Variants in ZMAT1 observed in about 807,000 individuals in gnomAD.
ZMAT1 encodes zinc finger matrin-type protein 1.
ZMAT1 carries 11 observed loss-of-function variants against 18.5 expected under a neutral mutation model. The ratio of observed to expected loss-of-function variants is 0.59; its 90% confidence interval spans 0.37 to 0.98. The LOEUF (loss-of-function observed/expected upper bound fraction) is 0.98. Among genes scored for constraint, ZMAT1 ranks in the 50% least tolerant of loss-of-function variants. The pLI is 0.01. For missense variants in ZMAT1, 525 were observed against 496.2 expected (o/e 1.06, Z -0.55); for synonymous variants, 211 against 176.4 (o/e 1.20, Z -1.55).
At chrX:101,922,683 T>A (rs140739348) in intron 1 of ZMAT1, among the ~76,000 whole-genome samples, 5 of 111,459 alleles carry the variant, frequency 4.5e-5, no homozygotes, top group African/African-American at 1.6e-4. Context: ...AAGGCTAATC[T>A]TAAAAAGAGA....
intron 2 of ZMAT1, among the ~76,000 whole-genome samples, chrX:101,902,406 T>A (rs1393169093): frequency 8.9e-6 from 1 of 112,297 alleles, no homozygotes; most frequent in African/African-American, 3.2e-5. Context: ...GTTTATGATT[T>A]AAAAATTTTT....
chrX:101,922,522 T>C (rs1199370659), intron 1 of ZMAT1, among the ~76,000 whole-genome samples: 1 of 109,956 alleles, frequency 9.1e-6, no homozygotes, highest in Non-Finnish European at 1.9e-5. Flanking sequence ...GCCTCCCAAG[T>C]AGCTGGACTA....
At chrX:101,899,125 T>C (rs1192679560) in intron 2 of ZMAT1, among the ~76,000 whole-genome samples, 2 of 111,231 alleles carry the variant, frequency 1.8e-5, no homozygotes, top group Non-Finnish European at 3.8e-5. Flanking sequence ...AATTCTTTTA[T>C]GTGAGAAAAG....
chrX:101,887,050 C>G, intron 4 of ZMAT1: 1 of 169,481 alleles, frequency 5.9e-6, no homozygotes, highest in Non-Finnish European at 1.0e-5. Flanking sequence ...CAACAGGCAC[C>G]TGAAATTTAG....
At chrX:101,903,449 A>G (rs768842581) in intron 2 of ZMAT1, among the ~76,000 whole-genome samples, 4 of 111,920 alleles carry the variant, frequency 3.6e-5, no homozygotes, top group African/African-American at 1.3e-4. Flanking sequence ...TATAATTACC[A>G]ATAAGATTAG....
chrX:101,922,285 G>A (rs1368958224), intron 1 of ZMAT1, among the ~76,000 whole-genome samples: 4 of 111,722 alleles, frequency 3.6e-5, no homozygotes, highest in Non-Finnish European at 7.5e-5. Flanking sequence ...CTAAGACTTG[G>A]AGAGGTTAAA....
rs184192742 is a variant in ZMAT1, at chrX:101,909,435, C to G, written c.293-5105G>C. On this transcript the variant is annotated intron_variant, in intron 1 of 5. Transcript: ENST00000651725. ...TGTCTTACCCCTTAGGTACCAACACCACCACAGTGGGGTAGGGCATCAAGC... is the reference window on the plus strand; with the variant it reads ...TGTCTTACCCCTTAGGTACCAACACGACCACAGTGGGGTAGGGCATCAAGC... Among the ~76,000 whole-genome samples the G allele has an allele frequency of 8.7e-3, 975 of 111,759 alleles. 5 individuals are homozygous for G. Among genetic ancestry groups the G allele is most frequent in the Middle Eastern group, 0.019 (4 of 215 alleles).
chrX:101,894,020 AAAG>A (rs971850251), intron 4 of ZMAT1, among the ~76,000 whole-genome samples: 1 of 111,159 alleles, frequency 9.0e-6, no homozygotes, highest in Admixed American at 9.6e-5. Flanking sequence ...GAAGGGTTTT[AAAG>A]AAGGGGAATG....
rs768692983 is a variant in ZMAT1, at chrX:101,908,654, G to T, written c.293-4324C>A. Among the ~76,000 whole-genome samples, 3 of 111,700 alleles carry T rather than the reference G, an allele frequency of 2.7e-5. No homozygotes were observed. The East Asian group carries it at 8.5e-4, about 32-fold the overall frequency. ...AACTCGGTGCTATCCTGTTAGAGCA[G>T]AAAGGAAAAGCAGACCAAACTCAGC... On this transcript the variant is annotated intron_variant, in intron 1 of 5. Coordinates refer to ENST00000651725, the MANE Select transcript of ZMAT1 (RefSeq NM_001394560.1).
intron 1 of ZMAT1, among the ~76,000 whole-genome samples, chrX:101,905,888 T>TAAA (rs747049552): frequency 4.2e-5 from 2 of 47,964 alleles, no homozygotes; most frequent in South Asian, 1.7e-3. Context: ...GCCAAAAAAC[T>TAAA]AAAAAAAAAA....
intron 2 of ZMAT1, among the ~76,000 whole-genome samples, chrX:101,899,715 T>A (rs1209543941): frequency 8.9e-6 from 1 of 112,499 alleles, no homozygotes; most frequent in Non-Finnish European, 1.9e-5. Flanking sequence ...TGATGGGCAT[T>A]TGCGTTGGTT....
At chrX:101,914,038 A>T (rs763044526) in intron 1 of ZMAT1, among the ~76,000 whole-genome samples, 1 of 111,778 alleles carries the variant, frequency 8.9e-6, no homozygotes, top group Non-Finnish European at 1.9e-5. Context: ...TAATAATAGG[A>T]ATTTTGAAAA....
Position 101,904,037 on chromosome X carries a change from G to A in ZMAT1, c.399+187C>T, listed in dbSNP as rs113343292. The stretch of plus-strand genomic sequence containing the variant: ...GGAGTAAAAGACTGAGTTTAAATCT[G>A]AATTCCCCAAACTTAAAGTAGTATA... On this transcript the variant is annotated intron_variant, in intron 2 of 5. Transcript: ENST00000651725. Among the ~76,000 whole-genome samples the A allele has an allele frequency of 6.5e-3, 726 of 111,463 alleles. 2 individuals are homozygous for A. Among genetic ancestry groups the A allele is most frequent in the Non-Finnish European group, 0.01 (538 of 53,022 alleles).
chrX:101,930,732 T>A (rs1259620305), intron 1 of ZMAT1, among the ~76,000 whole-genome samples: 3 of 112,293 alleles, frequency 2.7e-5, no homozygotes, highest in Non-Finnish European at 5.6e-5. Flanking sequence ...CAAAATGCTT[T>A]ACTGGGATGC....
chrX:101,912,035 T>C, intron 1 of ZMAT1: 1 of 1,156,909 alleles, frequency 8.6e-7, no homozygotes, highest in Admixed American at 2.2e-5. Context: ...TACACACAGC[T>C]CCTCCCTTAC....
At chrX:101,893,124 A>T (rs1191665049) in intron 4 of ZMAT1, among the ~76,000 whole-genome samples, 3 of 111,760 alleles carry the variant, frequency 2.7e-5, no homozygotes, top group Admixed American at 9.5e-5. Flanking sequence ...TATGCTGATG[A>T]TCATGCCCTC....
At chrX:101,909,428 C>A (rs1928814376) in intron 1 of ZMAT1, among the ~76,000 whole-genome samples, 1 of 111,710 alleles carries the variant, frequency 9.0e-6, no homozygotes, top group Non-Finnish European at 1.9e-5. Flanking sequence ...CCCTTAGGTA[C>A]CAACACCACC....
intron 5 of ZMAT1, among the ~76,000 whole-genome samples, chrX:101,885,867 G>A (rs1175663506): frequency 9.1e-6 from 1 of 110,093 alleles, no homozygotes; most frequent in Non-Finnish European, 1.9e-5. Context: ...TTTTTTCTCA[G>A]GTAGAGATAA....
intron 1 of ZMAT1, among the ~76,000 whole-genome samples, chrX:101,908,052 T>C (rs1439085768): frequency 8.9e-6 from 1 of 112,447 alleles, no homozygotes; most frequent in African/African-American, 3.2e-5. Context: ...TAAAAGTGCA[T>C]ACTCAAGAAT....
Sources: allele counts gnomAD v4.1 joint callset (sites outside exome capture counted in the v4.1 genomes callset), GRCh38; gene constraint gnomAD v4.1.1; transcripts MANE v1.5; gene names NCBI Gene and HGNC (gene_info 2026-07-23, HGNC 2026-07-21).